WWTR1: variants seen among roughly 807,000 people sequenced by gnomAD.
WWTR1 encodes the protein WW domain-containing transcription regulator protein 1.
In WWTR1, 13 loss-of-function variants were observed where a neutral mutation model predicts 40.1. That is an observed-to-expected ratio of 0.32 (90% CI 0.21 to 0.52). The LOEUF (loss-of-function observed/expected upper bound fraction) is 0.52, where lower values mean the gene tolerates loss of function less well. WWTR1 is among the 20% of genes least tolerant of loss of function. WWTR1 has a pLI of 0.97. For missense variants in WWTR1, 436 were observed against 523.1 expected, an observed-to-expected ratio of 0.83 and a Z score of 1.63; for synonymous variants, 230 against 210.1, an observed-to-expected ratio of 1.09 and a Z score of -0.82.
chr3:149,600,178 C>A (rs921804249), intron 2 of WWTR1, among the ~76,000 whole-genome samples: 1 of 151,868 alleles, frequency 6.6e-6, no homozygotes, highest in Non-Finnish European at 1.5e-5. Context: ...GGAACCAATC[C>A]TTTCCGGACA....
chr3:149,549,875 CAAAAA>C (rs903283911), intron 3 of WWTR1, among the ~76,000 whole-genome samples: 6 of 151,790 alleles, frequency 4.0e-5, no homozygotes, highest in African/African-American at 1.2e-4. Flanking sequence ...CAAAACAAAA[CAAAAA>C]GGTAATTTGG....
intron 2 of WWTR1, among the ~76,000 whole-genome samples, chr3:149,652,686 G>A (rs1463835999): frequency 4.2e-5 from 4 of 94,898 alleles, no homozygotes; most frequent in African/African-American, 1.6e-4. Context: ...TTTAAAAAAG[G>A]TGACCTAACA....
At position 149,519,355 on chromosome 3, in the gene WWTR1, A is replaced by T. The variant is rs1331149015; in HGVS notation, c.*1450T>A. On this transcript the variant is annotated 3_prime_UTR_variant, in exon 7 of 7. Coordinates refer to ENST00000360632, the MANE Select transcript of WWTR1 (RefSeq NM_015472.6). ...ACTGAATTCAGAAACATTTATCTCCACCATACACCCTCAAAGGGCATTTTT... is the reference window on the plus strand; with the variant it reads ...ACTGAATTCAGAAACATTTATCTCCTCCATACACCCTCAAAGGGCATTTTT... 1 of 152,238 alleles carries T rather than the reference A, an allele frequency of 6.6e-6. No individual in the cohort carries two copies. Among genetic ancestry groups the T allele is most frequent in the African/African-American group, 2.4e-5 (1 of 41,452 alleles). The allele number at this position is 152,238 out of a possible 1,614,324, so 9.4% of individuals were successfully genotyped here.
At chr3:149,713,342 T>C (rs1179367692) in intron 5 of WWTR1, among the ~76,000 whole-genome samples, 1 of 151,988 alleles carries the variant, frequency 6.6e-6, no homozygotes, top group Non-Finnish European at 1.5e-5. Context: ...ATAATGTACA[T>C]CTTGAATTTT....
intron 1 of WWTR1, chr3:149,701,991 GA>G: frequency 5.9e-6 from 1 of 170,628 alleles, no homozygotes; most frequent in Non-Finnish European, 1.3e-5. Context: ...TGTTTAGGGG[GA>G]AAATGAAAAT....
chr3:149,528,272 C>T lies in WWTR1; in HGVS notation c.772-303G>A, dbSNP rs540068682. 1.1e-4 allele frequency among the ~76,000 whole-genome samples: 16 copies of T among 152,310 alleles called. No homozygotes were observed. In the East Asian group the frequency reaches 2.9e-3, roughly 28 times the overall value. Reference sequence around the variant, plus strand: ...CAAATCATAGAAAGCCCTCTCAAAACACTTTGTCAGAGACAAGGCTTTTTC... The same window carrying T: ...CAAATCATAGAAAGCCCTCTCAAAATACTTTGTCAGAGACAAGGCTTTTTC... On this transcript the variant is annotated intron_variant, in intron 4 of 6. Coordinates refer to ENST00000360632, the MANE Select transcript of WWTR1 (RefSeq NM_015472.6).
intron 5 of WWTR1, among the ~76,000 whole-genome samples, chr3:149,710,582 CTTT>C (rs757279745): frequency 1.6e-4 from 7 of 44,644 alleles, no homozygotes; most frequent in South Asian, 1.3e-3. Flanking sequence ...CCCCCCCCCC[CTTT>C]TTTTTTTTTT....
chr3:149,527,757 A>G (rs1305682293), intron 5 of WWTR1, 79 bp downstream of exon 5: 11 of 1,597,032 alleles, frequency 6.9e-6, no homozygotes, highest in Non-Finnish European at 9.4e-6. Context: ...CCTCTTCCCA[A>G]TGTAAACAAA....
chr3:149,594,776 A>G lies in WWTR1; in HGVS notation c.432-21776T>C, dbSNP rs149335788. On this transcript the variant is annotated intron_variant, in intron 2 of 6. Coordinates refer to ENST00000360632, the MANE Select transcript of WWTR1 (RefSeq NM_015472.6). Reference sequence around the variant, plus strand: ...CAGAGCTACAAAAGACATTTTTGGAACAACTGGGGGAATTTGAATAAGGGC... The same window carrying G: ...CAGAGCTACAAAAGACATTTTTGGAGCAACTGGGGGAATTTGAATAAGGGC... 9.4e-3 allele frequency among the ~76,000 whole-genome samples: 1,432 copies of G among 151,958 alleles called. 5 individuals carry two copies. The highest frequency in any genetic ancestry group is 0.015 in the Non-Finnish European group (1,025 of 67,936).
chr3:149,718,098 T>C (rs1007446143), intron 4 of WWTR1, among the ~76,000 whole-genome samples: 1 of 152,146 alleles, frequency 6.6e-6, no homozygotes, highest in Non-Finnish European at 1.5e-5. Context: ...TCAATGACAT[T>C]ACCAAGTTAC....
At chr3:149,598,359 G>GA (rs968154148) in intron 2 of WWTR1, among the ~76,000 whole-genome samples, 6 of 152,088 alleles carry the variant, frequency 3.9e-5, no homozygotes, top group Admixed American at 1.3e-4. Context: ...AATAATCCTG[G>GA]AAAAATTATT....
chr3:149,566,518 T>C, intron 3 of WWTR1, among the ~76,000 whole-genome samples: 1 of 152,154 alleles, frequency 6.6e-6, no homozygotes, highest in Non-Finnish European at 1.5e-5. Context: ...AAAATCACAG[T>C]AGCCAGATGT....
intron 5 of WWTR1, among the ~76,000 whole-genome samples, chr3:149,709,164 G>C (rs1715418005): frequency 6.6e-6 from 1 of 151,958 alleles, no homozygotes; most frequent in Admixed American, 6.6e-5. Context: ...TTGTAGAGAG[G>C]GGGCTTTGCC....
At chr3:149,683,604 G>C (rs927092010) in intron 1 of WWTR1, among the ~76,000 whole-genome samples, 3 of 152,246 alleles carry the variant, frequency 2.0e-5, no homozygotes, top group African/African-American at 7.2e-5. Flanking sequence ...TGAGGCAGGA[G>C]AATCTCTGGA....
At chr3:149,627,789 T>C (rs887870063) in intron 2 of WWTR1, among the ~76,000 whole-genome samples, 7 of 152,314 alleles carry the variant, frequency 4.6e-5, no homozygotes, top group East Asian at 3.9e-4. Context: ...TAAAAACTTA[T>C]TGGCCGGGCG....
intron 1 of WWTR1, among the ~76,000 whole-genome samples, chr3:149,686,560 T>G (rs939561840): frequency 3.3e-5 from 5 of 151,818 alleles, no homozygotes; most frequent in Non-Finnish European, 7.4e-5. Context: ...AATAATAGAG[T>G]GAAGAAATCT....
intron 2 of WWTR1, among the ~76,000 whole-genome samples, chr3:149,655,083 G>T (rs1363366759): frequency 6.6e-6 from 1 of 150,602 alleles, no homozygotes; most frequent in African/African-American, 2.5e-5. Context: ...CCTAGATCGC[G>T]CCACTGCACT....
At position 149,616,502 on chromosome 3, in the gene WWTR1, G is replaced by A. The variant is rs540724632; in HGVS notation, c.431+40374C>T. 1.7e-4 allele frequency among the ~76,000 whole-genome samples: 26 copies of A among 151,788 alleles called. No homozygotes were observed. In the South Asian group the frequency reaches 2.3e-3, roughly 13 times the overall value. Reference sequence around the variant, plus strand: ...TTGTTGCCCAGGCTGGAGTGCAATGGCATGATCTCGGCTCACCGCAACCTC... The same window carrying A: ...TTGTTGCCCAGGCTGGAGTGCAATGACATGATCTCGGCTCACCGCAACCTC... On this transcript the variant is annotated intron_variant, in intron 2 of 6. Transcript: ENST00000360632.
chr3:149,627,908 T>C (rs1250358098), intron 2 of WWTR1, among the ~76,000 whole-genome samples: 1 of 151,670 alleles, frequency 6.6e-6, no homozygotes, highest in Non-Finnish European at 1.5e-5. Context: ...ACCCCGTCTC[T>C]ACTAAAAAAG....
Sources: gnomAD v4.1 joint callset for allele counts (sites outside exome capture counted in the v4.1 genomes callset) on GRCh38, gnomAD v4.1.1 for gene constraint, MANE v1.5 for transcripts, NCBI Gene and HGNC (gene_info 2026-07-23, HGNC 2026-07-21) for gene names.